PCSK6: variants seen among roughly 807,000 people sequenced by gnomAD.
PCSK6 encodes the protein proprotein convertase subtilisin/kexin type 6, also known as paired basic amino acid cleaving enzyme 4.
In PCSK6, 85 loss-of-function variants were observed where a neutral mutation model predicts 123.3. That is an observed-to-expected ratio of 0.69 (90% CI 0.58 to 0.83). The LOEUF is 0.83. Among genes scored for constraint, PCSK6 ranks in the 40% least tolerant of loss-of-function variants. PCSK6 has a pLI of 0.00. For missense variants in PCSK6, 1,191 were observed against 1,282.3 expected (o/e 0.93, Z 1.09); for synonymous variants, 508 against 516.0 (o/e 0.98, Z 0.21).
intron 1 of PCSK6, among the ~76,000 whole-genome samples, chr15:101,464,976 C>T (rs1358447114): frequency 2.0e-5 from 3 of 152,062 alleles, no homozygotes; most frequent in Admixed American, 2.0e-4. Context: ...GTGTACTTGA[C>T]TCGCAGGACC....
intron 6 of PCSK6, among the ~76,000 whole-genome samples, chr15:101,420,807 C>T (rs2141087101): frequency 6.6e-6 from 1 of 152,328 alleles, no homozygotes; most frequent in African/African-American, 2.4e-5. Flanking sequence ...CACAGGGGTA[C>T]CCCACTCTCC....
At chr15:101,345,424 G>A (rs2040707475) in intron 13 of PCSK6, among the ~76,000 whole-genome samples, 2 of 151,818 alleles carry the variant, frequency 1.3e-5, no homozygotes, top group Non-Finnish European at 1.5e-5. Context: ...AGATTATGAA[G>A]AAAATAAAAT....
chr15:101,354,052 C>T (rs1400404946), intron 13 of PCSK6, among the ~76,000 whole-genome samples: 3 of 152,208 alleles, frequency 2.0e-5, no homozygotes, highest in East Asian at 1.9e-4. Context: ...AATGGCCTGC[C>T]GAGGTCCGCA....
chr15:101,351,798 C>A (rs2040897055), intron 13 of PCSK6, among the ~76,000 whole-genome samples: 1 of 152,114 alleles, frequency 6.6e-6, no homozygotes, highest in South Asian at 2.1e-4. Context: ...ATATAACAGC[C>A]AAATAAACAG....
chr15:101,360,902 A>C (rs771366640), intron 13 of PCSK6, among the ~76,000 whole-genome samples: 1 of 152,138 alleles, frequency 6.6e-6, no homozygotes, highest in Non-Finnish European at 1.5e-5. Context: ...GCTTCTCATC[A>C]TCTAATGGAC....
At chr15:101,314,748 A>T (rs2039949211) in intron 19 of PCSK6, among the ~76,000 whole-genome samples, 1 of 152,180 alleles carries the variant, frequency 6.6e-6, no homozygotes. Context: ...CAGGAGGCAG[A>T]TGTAGGGACC....
chr15:101,412,796 A>C (rs2055742708), intron 6 of PCSK6, among the ~76,000 whole-genome samples: 1 of 151,538 alleles, frequency 6.6e-6, no homozygotes, highest in East Asian at 1.9e-4. Context: ...TATAACAAAG[A>C]CCTAAACTTC....
chr15:101,418,616 G>A (rs113354789), intron 6 of PCSK6, among the ~76,000 whole-genome samples: 1 of 151,204 alleles, frequency 6.6e-6, no homozygotes, highest in African/African-American at 2.4e-5. Flanking sequence ...AGGTTCAAGC[G>A]ATTCTCCTGC....
chr15:101,403,810 C>T (rs923227802), intron 6 of PCSK6, among the ~76,000 whole-genome samples: 1 of 152,152 alleles, frequency 6.6e-6, no homozygotes, highest in Non-Finnish European at 1.5e-5. Context: ...ACCTCCGCCT[C>T]CCGGGTTCAA....
At chr15:101,416,440 T>C (rs2055889549) in intron 6 of PCSK6, among the ~76,000 whole-genome samples, 1 of 152,138 alleles carries the variant, frequency 6.6e-6, no homozygotes, top group South Asian at 2.1e-4. Context: ...GTTCAGAAAA[T>C]CTGCAGCCTG....
intron 1 of PCSK6, among the ~76,000 whole-genome samples, chr15:101,451,529 T>C (rs2057034513): frequency 6.6e-6 from 1 of 152,000 alleles, no homozygotes; most frequent in Admixed American, 6.6e-5. Flanking sequence ...CAGTGATGAA[T>C]GGACTGCAGA....
intron 2 of PCSK6, among the ~76,000 whole-genome samples, chr15:101,438,468 G>A (rs1304966249): frequency 6.6e-6 from 1 of 152,212 alleles, no homozygotes; most frequent in Admixed American, 6.5e-5. Flanking sequence ...CTGGGTTGCT[G>A]CTGGACTTGT....
In PCSK6 at chr15:101,458,149, C is replaced by A. The variant is rs191365306; in HGVS notation, c.298-14489G>T. Reference sequence around the variant, plus strand: ...GTTCTACTCATGCTGGGCTATCAGGCAAGACACAGTAAAGACCTATGTGAC... The same window carrying A: ...GTTCTACTCATGCTGGGCTATCAGGAAAGACACAGTAAAGACCTATGTGAC... On this transcript the variant is annotated intron_variant, in intron 1 of 21. Transcript: ENST00000611716. 3.3e-5 allele frequency among the ~76,000 whole-genome samples: 5 copies of A among 152,276 alleles called. No individual in the cohort carries two copies. In the East Asian group the frequency reaches 9.7e-4, roughly 29 times the overall value.
intron 6 of PCSK6, among the ~76,000 whole-genome samples, chr15:101,407,164 T>G (rs60623101): frequency 3.3e-5 from 5 of 152,130 alleles, no homozygotes; most frequent in Non-Finnish European, 7.4e-5. Flanking sequence ...GGAAGACAGC[T>G]GGGGTCAGAG....
At chr15:101,309,925 G>C (rs967996004) in intron 20 of PCSK6, among the ~76,000 whole-genome samples, 1 of 152,198 alleles carries the variant, frequency 6.6e-6, no homozygotes, top group East Asian at 1.9e-4. Flanking sequence ...TGTTCTCAGC[G>C]TCGGGCCTCG....
chr15:101,361,161 TCTC>T (rs1270160794), intron 13 of PCSK6, among the ~76,000 whole-genome samples: 1 of 123,486 alleles, frequency 8.1e-6, no homozygotes, highest in Non-Finnish European at 1.7e-5. Context: ...GTTCTTTCTC[TCTC>T]TTTTTTTTTT....
chr15:101,413,039 G>GAAA (rs1304365026), intron 6 of PCSK6, among the ~76,000 whole-genome samples: 2 of 151,320 alleles, frequency 1.3e-5, no homozygotes, highest in Admixed American at 1.3e-4. Context: ...GGAGGAGGAG[G>GAAA]AGGAAAAAAA....
chr15:101,431,251 A>T, intron 4 of PCSK6, 69 bp downstream of exon 4: 1 of 1,545,370 alleles, frequency 6.5e-7, no homozygotes, highest in Non-Finnish European at 8.9e-7. Flanking sequence ...TACTGTTTTT[A>T]AACTTGCATT....
At chr15:101,437,077 T>A (rs1042493616) in intron 2 of PCSK6, among the ~76,000 whole-genome samples, 11 of 152,124 alleles carry the variant, frequency 7.2e-5, no homozygotes, top group Non-Finnish European at 1.6e-4. Flanking sequence ...TCTTTTTTCC[T>A]CTGGAGAGCG....
Sources: allele counts gnomAD v4.1 joint callset (sites outside exome capture counted in the v4.1 genomes callset), GRCh38; gene constraint gnomAD v4.1.1; transcripts MANE v1.5; gene names NCBI Gene and HGNC (gene_info 2026-07-23, HGNC 2026-07-21).